The following CYRIB variants were observed in gnomAD, a reference collection of about 807,000 sequenced individuals.
CYRIB encodes CYFIP-related Rac1 interactor B.
A neutral mutation model predicts 44.2 loss-of-function variants in CYRIB; 8 were observed. That is an observed-to-expected ratio of 0.18 (90% CI 0.11 to 0.33). The LOEUF (loss-of-function observed/expected upper bound fraction) is 0.33, where lower values mean the gene tolerates loss of function less well. Ranked by LOEUF, CYRIB falls within the 10% of genes least tolerant of loss-of-function variation. The pLI is 1.00. For missense variants in CYRIB, 185 were observed against 382.8 expected (o/e 0.48, Z 4.31); for synonymous variants, 131 against 127.2 (o/e 1.03, Z -0.20).
chr8:130,002,757 G>A (rs918796303), intron 1 of CYRIB, among the ~76,000 whole-genome samples: 1 of 152,184 alleles, frequency 6.6e-6, no homozygotes, highest in African/African-American at 2.4e-5. Flanking sequence ...TAAGTACGTG[G>A]TTACTGTCAG....
intron 3 of CYRIB, among the ~76,000 whole-genome samples, chr8:129,876,976 A>G (rs956535719): frequency 6.6e-6 from 1 of 152,246 alleles, no homozygotes; most frequent in Non-Finnish European, 1.5e-5. Flanking sequence ...AAGCAGTATA[A>G]AACGGTTTAA....
intron 2 of CYRIB, among the ~76,000 whole-genome samples, chr8:129,946,949 A>AC (rs1175595914): frequency 2.0e-5 from 3 of 151,546 alleles, no homozygotes; most frequent in Non-Finnish European, 4.4e-5. Context: ...CCAAAGGTGA[A>AC]CCCCCCATCA....
At chr8:129,929,483 G>A (rs1048765272) in intron 1 of CYRIB, among the ~76,000 whole-genome samples, 2 of 152,084 alleles carry the variant, frequency 1.3e-5, no homozygotes, top group African/African-American at 4.8e-5. Flanking sequence ...AGTGAATTGT[G>A]CATTTGAAAT....
chr8:129,861,664 G>A (rs1398398014), intron 5 of CYRIB, among the ~76,000 whole-genome samples: 2 of 151,466 alleles, frequency 1.3e-5, no homozygotes, highest in South Asian at 2.1e-4. Context: ...TGTTGCCCAG[G>A]CTGGTCTCGA....
intron 1 of CYRIB, among the ~76,000 whole-genome samples, chr8:129,989,851 G>A (rs1181777129): frequency 7.3e-6 from 1 of 137,606 alleles, no homozygotes; most frequent in Non-Finnish European, 1.5e-5. Flanking sequence ...GTGTCCATGT[G>A]TTCTCAGTGT....
intron 1 of CYRIB, among the ~76,000 whole-genome samples, chr8:129,939,301 G>C (rs1401313206): frequency 6.6e-6 from 1 of 151,656 alleles, no homozygotes; most frequent in African/African-American, 2.4e-5. Flanking sequence ...AGTCACTGGC[G>C]GGCGCAGGAT....
intron 4 of CYRIB, among the ~76,000 whole-genome samples, chr8:129,869,777 C>T (rs2056178396): frequency 6.6e-6 from 1 of 152,082 alleles, no homozygotes; most frequent in African/African-American, 2.4e-5. Flanking sequence ...TGTAAGTTTA[C>T]AATGTACTAG....
In CYRIB at chr8:129,954,989, G is replaced by C. The variant is rs140332263; in HGVS notation, c.-243+15954C>G. ...TGTGCTGTGGCCGGACGCGGTGGCT[G>C]ACACCTGTAATCCCAGCACTCTGAG... On this transcript the variant is annotated intron_variant, in intron 2 of 14. Transcript: ENST00000401979. Among the ~76,000 whole-genome samples the C allele has an allele frequency of 4.7e-4, 72 of 152,278 alleles. No homozygotes were observed. The South Asian group carries it at 0.011, about 22-fold the overall frequency.
chr8:129,886,224 G>A (rs1381847975), intron 2 of CYRIB, among the ~76,000 whole-genome samples: 2 of 152,108 alleles, frequency 1.3e-5, no homozygotes, highest in African/African-American at 2.4e-5. Flanking sequence ...ATAAACCTGT[G>A]CCTGTCAAGG....
At chr8:130,017,115 A>G (rs2097360835), upstream of CYRIB, 1 of 152,324 alleles carries the variant, frequency 6.6e-6, no homozygotes, top group East Asian at 1.9e-4. Flanking sequence ...CCTCCCGCAG[A>G]TACTTACTGG....
chr8:129,845,071 CCTCAAACA>C (rs2039004891), intron 11 of CYRIB, among the ~76,000 whole-genome samples: 1 of 152,136 alleles, frequency 6.6e-6, no homozygotes, highest in Admixed American at 6.5e-5. Flanking sequence ...CTCCCCTCTC[CCTCAAACA>C]CAGATTACTT....
At chr8:129,839,604 T>G (rs2035302026) in exon 12 of CYRIB, 2 of 152,236 alleles carry the variant, frequency 1.3e-5, no homozygotes, top group South Asian at 2.1e-4. Context: ...TAGGTTCCAA[T>G]AAAATTTTAT....
chr8:129,846,968 G>A, intron 10 of CYRIB, 94 bp from the exon 13 acceptor site: 3 of 684,350 alleles, frequency 4.4e-6, no homozygotes, highest in African/African-American at 1.8e-5. Flanking sequence ...CCATAACTAT[G>A]GAACTCAAGA....
chr8:129,880,159 A>G (rs2060391183), intron 2 of CYRIB, among the ~76,000 whole-genome samples: 1 of 152,266 alleles, frequency 6.6e-6, no homozygotes, highest in Admixed American at 6.5e-5. Flanking sequence ...ATGAAAGGAC[A>G]GCACTGGCTA....
At chr8:130,004,761 ATTT>A (rs775327457) in intron 1 of CYRIB, among the ~76,000 whole-genome samples, 1 of 123,888 alleles carries the variant, frequency 8.1e-6, no homozygotes, top group Non-Finnish European at 1.7e-5. Context: ...ATTGTCAGGA[ATTT>A]TTTTTTTTTT....
At chr8:129,848,265 A>C (rs1394560171) in intron 10 of CYRIB, among the ~76,000 whole-genome samples, 1 of 152,224 alleles carries the variant, frequency 6.6e-6, no homozygotes, top group East Asian at 1.9e-4. Flanking sequence ...TTCTCTTTAC[A>C]TATGACAGGT....
intron 2 of CYRIB, among the ~76,000 whole-genome samples, chr8:129,966,979 G>A (rs956310813): frequency 6.6e-6 from 1 of 152,126 alleles, no homozygotes; most frequent in Non-Finnish European, 1.5e-5. Context: ...GCAGGCATAA[G>A]CCACCAAGCA....
chr8:129,917,605 T>A (rs1182555747), intron 1 of CYRIB, among the ~76,000 whole-genome samples: 2 of 152,194 alleles, frequency 1.3e-5, no homozygotes, highest in African/African-American at 4.8e-5. Context: ...AGGCCTGTAA[T>A]CCCAGCACTT....
At chr8:129,892,715 C>T (rs1200695284) in intron 2 of CYRIB, among the ~76,000 whole-genome samples, 1 of 152,184 alleles carries the variant, frequency 6.6e-6, no homozygotes, top group Non-Finnish European at 1.5e-5. Flanking sequence ...ATTAGTCTGA[C>T]ATTCCTTCTG....
Sources: gnomAD v4.1 joint callset for allele counts (sites outside exome capture counted in the v4.1 genomes callset) on GRCh38, gnomAD v4.1.1 for gene constraint, MANE v1.5 for transcripts, NCBI Gene and HGNC (gene_info 2026-07-23, HGNC 2026-07-21) for gene names.